The following OR1J2 variants were observed in gnomAD, a reference collection of about 807,000 sequenced individuals.
The protein encoded by OR1J2 is olfactory receptor family 1 subfamily J member 2, also known as olfactory receptor 1J2.
For synonymous variants in OR1J2, 142 were observed against 99.7 expected (o/e 1.42, Z -2.52); for missense variants, 304 against 246.1 (o/e 1.24, Z -1.57).
At chr9:122,456,763 A>C in the OR1J2 span, among the ~76,000 whole-genome samples, 1 of 152,192 alleles carries the variant, frequency 6.6e-6, no homozygotes, top group African/African-American at 2.4e-5. Flanking sequence ...AACACTTTAC[A>C]TTGTTGCTGG....
chr9:122,572,201 T>C, the OR1J2 span, among the ~76,000 whole-genome samples: 1 of 152,040 alleles, frequency 6.6e-6, no homozygotes, highest in Admixed American at 6.6e-5. Flanking sequence ...CATGATCACC[T>C]CCCACTAGGG....
the OR1J2 span, chr9:122,527,042 CTG>C: frequency 6.2e-7 from 1 of 1,614,160 alleles, no homozygotes; most frequent in East Asian, 2.2e-5. Flanking sequence ...GATGCCGAGT[CTG>C]TATATTCACC....
chr9:122,466,529 C>T, the OR1J2 span, among the ~76,000 whole-genome samples: 1 of 152,178 alleles, frequency 6.6e-6, no homozygotes. Flanking sequence ...AATCACCTTG[C>T]CTGCACCCCT....
At chr9:122,494,922 G>A in the OR1J2 span, among the ~76,000 whole-genome samples, 1 of 152,106 alleles carries the variant, frequency 6.6e-6, no homozygotes, top group African/African-American at 2.4e-5. Context: ...GGAAAAGATT[G>A]TATCTTTCTT....
chr9:122,535,750 G>A, the OR1J2 span, among the ~76,000 whole-genome samples: 1 of 152,164 alleles, frequency 6.6e-6, no homozygotes, highest in Non-Finnish European at 1.5e-5. Context: ...CAAATTTCAT[G>A]TGCGTCCGTG....
At chr9:122,567,107 A>C in the OR1J2 span, 1 of 152,540 alleles carries the variant, frequency 6.6e-6, no homozygotes, top group Non-Finnish European at 1.5e-5. Flanking sequence ...AATTAGCTAA[A>C]ATATATATCC....
the OR1J2 span, among the ~76,000 whole-genome samples, chr9:122,458,781 G>A: frequency 6.6e-6 from 1 of 151,950 alleles, no homozygotes; most frequent in Admixed American, 6.6e-5. Context: ...TGTTGCTTTT[G>A]TCAGTTTTTG....
the OR1J2 span, among the ~76,000 whole-genome samples, chr9:122,533,450 A>G: frequency 2.0e-5 from 3 of 152,062 alleles, no homozygotes; most frequent in African/African-American, 7.2e-5. Context: ...TCGGTTGCTA[A>G]GGAGGGAGTA....
downstream of OR1J2, among the ~76,000 whole-genome samples, chr9:122,516,389 C>T (rs952634253): frequency 2.7e-5 from 4 of 149,304 alleles, no homozygotes; most frequent in East Asian, 4.1e-4. Flanking sequence ...CTGCAAGCTC[C>T]GCCTCCCGGG....
At chr9:122,483,162 T>G in the OR1J2 span, among the ~76,000 whole-genome samples, 1 of 152,212 alleles carries the variant, frequency 6.6e-6, no homozygotes, top group East Asian at 1.9e-4. Context: ...TTCATCGATT[T>G]AAATCGTTCA....
At chr9:122,541,845 G>C in the OR1J2 span, among the ~76,000 whole-genome samples, 1 of 152,132 alleles carries the variant, frequency 6.6e-6, no homozygotes, top group East Asian at 1.9e-4. Context: ...AATGTTATTT[G>C]GTTACGGCAT....
chr9:122,559,316 AT>A, the OR1J2 span, among the ~76,000 whole-genome samples: 1 of 149,334 alleles, frequency 6.7e-6, no homozygotes, highest in Non-Finnish European at 1.5e-5. Context: ...ATTTTTTTTT[AT>A]TTTACTTTAA....
At position 122,511,080 on chromosome 9, in the gene OR1J2, C is replaced by CGA; in HGVS notation, c.279_280insGA (p.Tyr94AspfsTer44). On this transcript the variant is annotated frameshift_variant, in exon 1 of 1. Coordinates refer to ENST00000335302, the MANE Select transcript of OR1J2 (RefSeq NM_054107.1). LOFTEE classifies it low-confidence loss of function (END_TRUNC). ...TGCGGACTAAGTACAAATCGATCCTCTATGAGGAATGCATTTCTCAGATGT... is the reference window on the plus strand; with the variant it reads ...TGCGGACTAAGTACAAATCGATCCTCGATATGAGGAATGCATTTCTCAGATGT... The CGA allele has an allele frequency of 8.2e-7, 1 of 1,218,490 alleles. No homozygotes were observed. The highest frequency in any genetic ancestry group is 1.2e-6 in the Non-Finnish European group (1 of 841,356). 75.5% of individuals were successfully genotyped at this position (1,218,490 alleles called of 1,614,324 possible).
At chr9:122,562,186 A>G in the OR1J2 span, among the ~76,000 whole-genome samples, 2 of 152,204 alleles carry the variant, frequency 1.3e-5, no homozygotes, top group Non-Finnish European at 2.9e-5. Flanking sequence ...CTGGCTCGGC[A>G]GGGGAAAATA....
At chr9:122,568,265 A>G in the OR1J2 span, 1 of 1,614,106 alleles carries the variant, frequency 6.2e-7, no homozygotes, top group Non-Finnish European at 8.5e-7. Flanking sequence ...TAAAGCAAAT[A>G]TCAGTGAGAG....
At chr9:122,515,144 C>T (rs1195052229), downstream of OR1J2, among the ~76,000 whole-genome samples, 7 of 152,140 alleles carry the variant, frequency 4.6e-5, no homozygotes, top group Admixed American at 4.6e-4. Flanking sequence ...GTTACCTCTC[C>T]ATTTCTGAAG....
the OR1J2 span, among the ~76,000 whole-genome samples, chr9:122,548,345 T>C: frequency 5.9e-5 from 9 of 152,164 alleles, no homozygotes; most frequent in Non-Finnish European, 2.9e-5. Context: ...TAATCTCAAG[T>C]TCTGTCCTTG....
chr9:122,455,696 G>T, the OR1J2 span, among the ~76,000 whole-genome samples: 2 of 152,028 alleles, frequency 1.3e-5, no homozygotes, highest in African/African-American at 4.8e-5. Context: ...ATATAAAAAA[G>T]ATTTTAATTT....
At chr9:122,567,358 C>G in the OR1J2 span, 1 of 450,340 alleles carries the variant, frequency 2.2e-6, no homozygotes, top group Non-Finnish European at 3.9e-6. Flanking sequence ...AGACAGGAAA[C>G]GATTGTGATT....
Sources: gnomAD v4.1 joint callset for allele counts (sites outside exome capture counted in the v4.1 genomes callset) on GRCh38, gnomAD v4.1.1 for gene constraint, MANE v1.5 for transcripts, NCBI Gene and HGNC (gene_info 2026-07-23, HGNC 2026-07-21) for gene names.